Variants in FAM184B observed in about 807,000 individuals in gnomAD.
The protein encoded by FAM184B is family with sequence similarity 184 member B.
Under a neutral mutation model 135.9 loss-of-function variants are expected in FAM184B, and 111 were observed. The observed-to-expected ratio is 0.82, with a 90% CI of 0.70 to 0.96. The LOEUF (loss-of-function observed/expected upper bound fraction) is 0.96. Ranked by LOEUF, FAM184B falls within the 40% of genes least tolerant of loss-of-function variation. FAM184B has a pLI of 0.00. For missense variants in FAM184B, 1,375 were observed against 1,323.9 expected (o/e 1.04, Z -0.60); for synonymous variants, 552 against 524.8 (o/e 1.05, Z -0.71).
chr4:17,636,480 GC>G (rs1560163267), intron 15 of FAM184B, 47 bp downstream of exon 15: 1 of 1,429,918 alleles, frequency 7.0e-7, no homozygotes, highest in Admixed American at 2.0e-5. Context: ...GGGGGAGCCC[GC>G]AGTGCCCGGC....
At chr4:17,724,780 T>C (rs989092790) in intron 1 of FAM184B, among the ~76,000 whole-genome samples, 1 of 152,176 alleles carries the variant, frequency 6.6e-6, no homozygotes, top group Non-Finnish European at 1.5e-5. Flanking sequence ...GTAAGAAGAT[T>C]TGGCTTTGTA....
At chr4:17,670,528 T>C (rs1716145875) in intron 7 of FAM184B, among the ~76,000 whole-genome samples, 1 of 152,190 alleles carries the variant, frequency 6.6e-6, no homozygotes, top group Non-Finnish European at 1.5e-5. Context: ...GGCCACTTTA[T>C]TGACCATGGC....
At chr4:17,684,960 T>C (rs532071953) in intron 7 of FAM184B, among the ~76,000 whole-genome samples, 2 of 152,016 alleles carry the variant, frequency 1.3e-5, no homozygotes, top group African/African-American at 4.8e-5. Flanking sequence ...CCAAACACCA[T>C]ATGTTCTCAC....
At chr4:17,661,565 C>CAAAT (rs952411455) in intron 8 of FAM184B, among the ~76,000 whole-genome samples, 2 of 152,072 alleles carry the variant, frequency 1.3e-5, no homozygotes, top group Admixed American at 6.6e-5. Flanking sequence ...AACAAACAAA[C>CAAAT]AAATAAAACT....
Position 17,658,507 on chromosome 4 carries a change from A to C in FAM184B, c.1880T>G (p.Leu627Arg), listed in dbSNP as rs1279420031. 3.9e-6 allele frequency: 6 copies of C among 1,551,570 alleles called. No homozygotes were observed. The highest frequency in any genetic ancestry group is 5.2e-6 in the Non-Finnish European group (6 of 1,146,996). The change falls in exon 10 of 18, where the codon CTG (leucine) becomes CGG (arginine). Residue 627 changes from leucine to arginine, a missense_variant. Physicochemically the swap from Leu to Arg is moderately radical, Grantham distance 102. Coordinates refer to ENST00000265018, the MANE Select transcript of FAM184B (RefSeq NM_015688.2). ...GTCCGAGAGCTGCTTGAGTGCCTGC[A>C]GGTCCTCCCTGTAGTTGCTGGTGCA... Reference protein sequence around the residue: ...EQCTSNYREDLQALKQLSDLE... With the variant: ...EQCTSNYREDRQALKQLSDLE...
chr4:17,686,242 G>A (rs938390507), intron 7 of FAM184B, among the ~76,000 whole-genome samples: 1 of 152,212 alleles, frequency 6.6e-6, no homozygotes, highest in African/African-American at 2.4e-5. Flanking sequence ...GAATGAAAAT[G>A]TCTGCACATC....
At chr4:17,758,814 C>T (rs922196788) in intron 1 of FAM184B, among the ~76,000 whole-genome samples, 2 of 151,876 alleles carry the variant, frequency 1.3e-5, no homozygotes, top group African/African-American at 2.4e-5. Flanking sequence ...GCACATCGAT[C>T]GTGGTGTTGG....
intron 1 of FAM184B, among the ~76,000 whole-genome samples, chr4:17,745,472 CA>C (rs1423513622): frequency 6.6e-6 from 1 of 152,240 alleles, no homozygotes; most frequent in Non-Finnish European, 1.5e-5. Flanking sequence ...CTGCCCAACA[CA>C]AAACTCCTTG....
intron 7 of FAM184B, among the ~76,000 whole-genome samples, chr4:17,668,018 T>G (rs1716092931): frequency 6.6e-6 from 1 of 152,184 alleles, no homozygotes; most frequent in African/African-American, 2.4e-5. Context: ...CTCCTCAGGG[T>G]TCTCCCTATC....
At chr4:17,721,353 C>T (rs1717522042) in intron 1 of FAM184B, among the ~76,000 whole-genome samples, 1 of 117,094 alleles carries the variant, frequency 8.5e-6, no homozygotes, top group Non-Finnish European at 1.7e-5. Flanking sequence ...CACTGCACTC[C>T]AGCCTGGGCG....
chr4:17,712,466 C>T (rs910579146), intron 1 of FAM184B, among the ~76,000 whole-genome samples: 1 of 152,170 alleles, frequency 6.6e-6, no homozygotes, highest in African/African-American at 2.4e-5. Context: ...TTCCTGAAGA[C>T]TCCCCATCAC....
At chr4:17,694,484 C>T (rs1169548159) in intron 5 of FAM184B, among the ~76,000 whole-genome samples, 10 of 150,056 alleles carry the variant, frequency 6.7e-5, no homozygotes, top group Admixed American at 6.0e-4. Flanking sequence ...GATGGTGCCA[C>T]TGCACTCCAG....
At chr4:17,743,184 C>CA (rs998814809) in intron 1 of FAM184B, among the ~76,000 whole-genome samples, 12 of 152,020 alleles carry the variant, frequency 7.9e-5, no homozygotes, top group Admixed American at 5.2e-4. Flanking sequence ...CCACCCTCAC[C>CA]AAAAAAATAG....
chr4:17,751,339 G>A (rs1028933133), intron 1 of FAM184B, among the ~76,000 whole-genome samples: 9 of 147,798 alleles, frequency 6.1e-5, no homozygotes, highest in Non-Finnish European at 1.2e-4. Context: ...GCAGCACATA[G>A]GAAAAAGTAC....
At chr4:17,762,732 A>G (rs1718574257) in intron 1 of FAM184B, among the ~76,000 whole-genome samples, 1 of 152,230 alleles carries the variant, frequency 6.6e-6, no homozygotes, top group African/African-American at 2.4e-5. Context: ...TAGCACAACT[A>G]TACATCAAAA....
chr4:17,728,171 C>T (rs189980580), intron 1 of FAM184B, among the ~76,000 whole-genome samples: 21 of 152,068 alleles, frequency 1.4e-4, no homozygotes, highest in Admixed American at 5.9e-4. Context: ...ACAATCACGA[C>T]GAAGGTAGTG....
chr4:17,778,930 T>C (rs1182633826), intron 1 of FAM184B, among the ~76,000 whole-genome samples: 1 of 152,124 alleles, frequency 6.6e-6, no homozygotes, highest in East Asian at 1.9e-4. Context: ...AAGGGGCTGT[T>C]AAATGAGTAA....
chr4:17,746,554 A>T, intron 1 of FAM184B, among the ~76,000 whole-genome samples: 1 of 150,432 alleles, frequency 6.6e-6, no homozygotes, highest in South Asian at 2.1e-4. Context: ...AACACGGTGA[A>T]ACTCCATCTC....
Position 17,707,788 on chromosome 4 carries a change from A to C in FAM184B, c.895-4T>G. On this transcript the variant is annotated splice_polypyrimidine_tract_variant and splice_region_variant and intron_variant, in intron 2 of 17. Transcript: ENST00000265018. ...CCTTAAGCTGCACATCCAGGTCCTAAACAGACAGGAAGGGTCCCATTTCTC... is the reference window on the plus strand; with the variant it reads ...CCTTAAGCTGCACATCCAGGTCCTACACAGACAGGAAGGGTCCCATTTCTC... The C allele has an allele frequency of 6.4e-7, 1 of 1,551,910 alleles. No homozygotes were observed. Among genetic ancestry groups the C allele is most frequent in the Non-Finnish European group, 8.7e-7 (1 of 1,147,032 alleles).
Sources: gnomAD v4.1 joint callset for allele counts (sites outside exome capture counted in the v4.1 genomes callset) on GRCh38, gnomAD v4.1.1 for gene constraint, MANE v1.5 for transcripts, NCBI Gene and HGNC (gene_info 2026-07-23, HGNC 2026-07-21) for gene names.